The following PARD3B variants were observed in gnomAD, a reference collection of about 807,000 sequenced individuals.
PARD3B encodes par-3 family cell polarity regulator beta, also known as partitioning defective 3 homolog B.
Under a neutral mutation model 130.2 loss-of-function variants are expected in PARD3B, and 103 were observed. The observed-to-expected ratio is 0.79, with a 90% confidence interval of 0.67 to 0.93. The LOEUF (loss-of-function observed/expected upper bound fraction) is 0.93, where lower values mean the gene tolerates loss of function less well. Among genes scored for constraint, PARD3B ranks in the 40% least tolerant of loss-of-function variants. The pLI is 0.00. For synonymous variants in PARD3B, 583 were observed against 553.2 expected (o/e 1.05, Z -0.76); for missense variants, 1,609 against 1,499.2 (o/e 1.07, Z -1.21).
intron 1 of PARD3B, among the ~76,000 whole-genome samples, chr2:204,653,553 G>T (rs2035552124): frequency 1.3e-5 from 2 of 150,762 alleles, no homozygotes; most frequent in Admixed American, 1.3e-4. Flanking sequence ...CACTTTGGGA[G>T]GCCGAGGTGG....
At chr2:205,445,317 TATA>T (rs1451142216) in intron 20 of PARD3B, among the ~76,000 whole-genome samples, 2 of 152,202 alleles carry the variant, frequency 1.3e-5, no homozygotes, top group Non-Finnish European at 2.9e-5. Flanking sequence ...CTCGCACTGC[TATA>T]ATGAGATACC....
At chr2:205,123,227 A>C (rs968551683) in intron 8 of PARD3B, among the ~76,000 whole-genome samples, 6 of 152,218 alleles carry the variant, frequency 3.9e-5, no homozygotes, top group African/African-American at 1.4e-4. Context: ...TAGGAAGGAA[A>C]AAAGAGAAGA....
At chr2:204,710,679 A>G (rs1375527915) in intron 2 of PARD3B, among the ~76,000 whole-genome samples, 2 of 152,180 alleles carry the variant, frequency 1.3e-5, no homozygotes, top group Non-Finnish European at 2.9e-5. Context: ...ATTCTCAATT[A>G]CTGATTTGAA....
chr2:205,157,162 C>T (rs2034224279), intron 10 of PARD3B, among the ~76,000 whole-genome samples: 2 of 152,088 alleles, frequency 1.3e-5, no homozygotes, highest in Admixed American at 6.5e-5. Flanking sequence ...TGAAATTAAG[C>T]AAATCCCAGA....
chr2:205,375,942 G>A (rs1453304385), intron 18 of PARD3B, among the ~76,000 whole-genome samples: 1 of 152,200 alleles, frequency 6.6e-6, no homozygotes, highest in African/African-American at 2.4e-5. Flanking sequence ...ATGCTAGACA[G>A]TGCTCAGCTA....
chr2:204,754,428 G>A (rs528042762), intron 2 of PARD3B, among the ~76,000 whole-genome samples: 229 of 152,114 alleles, frequency 1.5e-3, no homozygotes, highest in Non-Finnish European at 1.8e-3. Context: ...ATAGCTTTGA[G>A]AGTTCAAGCA....
At chr2:205,441,032 A>G (rs986146977) in intron 20 of PARD3B, among the ~76,000 whole-genome samples, 1 of 152,182 alleles carries the variant, frequency 6.6e-6, no homozygotes, top group African/African-American at 2.4e-5. Context: ...TGGCACATGG[A>G]GGTGGAGAGT....
intron 19 of PARD3B, among the ~76,000 whole-genome samples, chr2:205,438,123 A>C (rs1363097710): frequency 6.6e-6 from 1 of 152,210 alleles, no homozygotes; most frequent in Non-Finnish European, 1.5e-5. Flanking sequence ...TTGAATGATT[A>C]ATATGAAATT....
intron 16 of PARD3B, among the ~76,000 whole-genome samples, chr2:205,257,962 T>C (rs781513981): frequency 2.6e-5 from 4 of 152,218 alleles, no homozygotes; most frequent in Non-Finnish European, 5.9e-5. Context: ...CCTTCATTTC[T>C]GGTTGAACAC....
At chr2:205,208,907 G>A (rs1360043167) in intron 15 of PARD3B, among the ~76,000 whole-genome samples, 801 of 120,424 alleles carry the variant, frequency 6.7e-3, no homozygotes, top group African/African-American at 0.011. Flanking sequence ...AGCCTGCATC[G>A]CCAAGTCAAT....
chr2:205,259,784 G>T (rs922005189), intron 16 of PARD3B, among the ~76,000 whole-genome samples: 2 of 151,990 alleles, frequency 1.3e-5, no homozygotes, highest in Non-Finnish European at 2.9e-5. Context: ...AGTACAAGTC[G>T]AGTATCTCTT....
intron 12 of PARD3B, 93 bp downstream of exon 12, chr2:205,172,474 C>T (rs115991938): frequency 1.5e-5 from 19 of 1,297,848 alleles, no homozygotes; most frequent in African/African-American, 1.2e-4. Context: ...AGATTCATAT[C>T]GAGAAAATAT....
At chr2:205,376,285 C>T (rs1490762244) in intron 18 of PARD3B, among the ~76,000 whole-genome samples, 1 of 152,134 alleles carries the variant, frequency 6.6e-6, no homozygotes, top group African/African-American at 2.4e-5. Flanking sequence ...AGCAGGGCCT[C>T]ACCACACTAA....
intron 14 of PARD3B, among the ~76,000 whole-genome samples, chr2:205,188,481 G>A (rs921338017): frequency 1.7e-4 from 26 of 152,210 alleles, no homozygotes; most frequent in African/African-American, 5.8e-4. Flanking sequence ...GGCAGAAGCC[G>A]CCATAGACAA....
chr2:205,040,616 T>G (rs1469112240), intron 3 of PARD3B, among the ~76,000 whole-genome samples: 1 of 152,194 alleles, frequency 6.6e-6, no homozygotes, highest in African/African-American at 2.4e-5. Flanking sequence ...ATGCTATTAA[T>G]ATGGATTACC....
chr2:204,898,585 G>A (rs1465242644), intron 2 of PARD3B, among the ~76,000 whole-genome samples: 1 of 152,142 alleles, frequency 6.6e-6, no homozygotes, highest in African/African-American at 2.4e-5. Flanking sequence ...GGAAAAGAGT[G>A]TGTATTGTGC....
At chr2:204,946,057 C>G (rs192193366) in intron 2 of PARD3B, among the ~76,000 whole-genome samples, 1 of 152,336 alleles carries the variant, frequency 6.6e-6, no homozygotes, top group Non-Finnish European at 1.5e-5. Flanking sequence ...AACAGCTTCC[C>G]TGCAAATATA....
In PARD3B at chr2:205,558,434, G is replaced by A. The variant is rs925068037; in HGVS notation, c.3260+5031G>A. ...ATGCAACTACCAGACTTATACCTGA[G>A]CAGGACTCGTGTGGCAGGTCTACCC... On this transcript the variant is annotated intron_variant, in intron 22 of 22. Transcript: ENST00000406610. The surrounding 1 kb of genome is among the most constrained non-coding windows in gnomAD (Gnocchi z 4.8). Among the ~76,000 whole-genome samples the A allele has an allele frequency of 6.6e-6, 1 of 152,174 alleles. No homozygotes were observed. Among genetic ancestry groups the A allele is most frequent in the African/African-American group, 2.4e-5 (1 of 41,440 alleles).
At chr2:205,507,510 G>A (rs867665534) in intron 21 of PARD3B, among the ~76,000 whole-genome samples, 7 of 151,864 alleles carry the variant, frequency 4.6e-5, no homozygotes, top group South Asian at 2.1e-4. Flanking sequence ...CACCGCACCC[G>A]GCCACAATAT....
Sources: allele counts gnomAD v4.1 joint callset (sites outside exome capture counted in the v4.1 genomes callset), GRCh38; gene constraint gnomAD v4.1.1; non-coding constraint Gnocchi (gnomAD v3.1); transcripts MANE v1.5; gene names NCBI Gene and HGNC (gene_info 2026-07-23, HGNC 2026-07-21).